CENPQ: variants seen among roughly 807,000 people sequenced by gnomAD.
CENPQ encodes chromosome 6 open reading frame 139.
In CENPQ, 27 loss-of-function variants were observed where a neutral mutation model predicts 36.6. The ratio of observed to expected loss-of-function variants is 0.74; its 90% CI spans 0.54 to 1.02. CENPQ has a LOEUF of 1.02. Among genes scored for constraint, CENPQ ranks in the 50% least tolerant of loss-of-function variants. The pLI is 0.00. For synonymous variants in CENPQ, 101 were observed against 101.7 expected, an observed-to-expected ratio of 0.99 and a Z score of 0.04; for missense variants, 306 against 301.8, an observed-to-expected ratio of 1.01 and a Z score of -0.10.
Position 49,488,671 on chromosome 6 carries a change from C to T in CENPQ, c.662C>T (p.Ala221Val), listed in dbSNP as rs749988875. Reference protein sequence around the residue: ...LPELSQKTLKAPTLQKEILAL... With the variant: ...LPELSQKTLKVPTLQKEILAL... Reference sequence around the variant, plus strand: ...GAACTTTCTCAGAAAACTCTCAAAGCACCCACACTTCAGGTAAGTGCCTAT... The same window carrying T: ...GAACTTTCTCAGAAAACTCTCAAAGTACCCACACTTCAGGTAAGTGCCTAT... Residue 221 changes from alanine to valine, a missense_variant, in exon 8 of 9, where the codon GCA becomes GTA. Transcript: ENST00000335783. 9.3e-6 allele frequency: 15 copies of T among 1,612,372 alleles called. No individual in the cohort carries two copies. Among genetic ancestry groups the T allele is most frequent in the Non-Finnish European group, 9.3e-6 (11 of 1,178,700 alleles).
At chr6:49,467,403 G>A (rs1267075533) in intron 1 of CENPQ, among the ~76,000 whole-genome samples, 1 of 152,196 alleles carries the variant, frequency 6.6e-6, no homozygotes, top group Non-Finnish European at 1.5e-5. Context: ...GTTAATACTA[G>A]AGGTTGCAGG....
intron 3 of CENPQ, 43 bp downstream of exon 3, chr6:49,471,071 A>G: frequency 8.6e-7 from 1 of 1,168,090 alleles, no homozygotes; most frequent in South Asian, 1.9e-5. Context: ...TTCTATATCA[A>G]GCTATATCTA....
intron 8 of CENPQ, among the ~76,000 whole-genome samples, chr6:49,489,222 G>A (rs1768663548): frequency 2.0e-5 from 3 of 152,168 alleles, no homozygotes; most frequent in African/African-American, 7.2e-5. Context: ...TGTCAGCTAA[G>A]TTTTTGTCAT....
intron 6 of CENPQ, 126 bp downstream of exon 6, chr6:49,481,206 T>A: frequency 1.2e-6 from 1 of 818,128 alleles, no homozygotes; most frequent in Non-Finnish European, 1.8e-6. Context: ...GTTTTTTCAT[T>A]AAATTGTTTT....
chr6:49,483,063 C>T (rs1768481480), intron 6 of CENPQ, among the ~76,000 whole-genome samples: 1 of 152,170 alleles, frequency 6.6e-6, no homozygotes, highest in Admixed American at 6.5e-5. Flanking sequence ...TGTCTGGCCC[C>T]ACCCACATCC....
At chr6:49,479,738 G>C (rs1358082843) in intron 5 of CENPQ, among the ~76,000 whole-genome samples, 1 of 152,136 alleles carries the variant, frequency 6.6e-6, no homozygotes, top group Non-Finnish European at 1.5e-5. Flanking sequence ...CCTATCAGTG[G>C]TAGATTAGAT....
chr6:49,474,326 C>A (rs979750132), intron 5 of CENPQ, among the ~76,000 whole-genome samples: 2 of 152,028 alleles, frequency 1.3e-5, no homozygotes, highest in African/African-American at 4.8e-5. Context: ...TCTCTCAGAC[C>A]ACAGTGCAAT....
At chr6:49,471,247 A>G (rs532002136) in intron 3 of CENPQ, among the ~76,000 whole-genome samples, 113 of 152,372 alleles carry the variant, frequency 7.4e-4, no homozygotes, top group Admixed American at 1.9e-3. Flanking sequence ...CTTCAATGCC[A>G]CTGAGTTGAT....
chr6:49,482,798 C>A (rs569857420), intron 6 of CENPQ, among the ~76,000 whole-genome samples: 23 of 152,176 alleles, frequency 1.5e-4, no homozygotes, highest in African/African-American at 5.5e-4. Context: ...CACAGACCCT[C>A]GTGGTGAGTG....
chr6:49,470,360 T>C, intron 2 of CENPQ, 82 bp downstream of exon 2: 4 of 802,738 alleles, frequency 5.0e-6, no homozygotes, highest in Non-Finnish European at 7.8e-6. Flanking sequence ...TCCCAGCACT[T>C]TGGGAGGCCG....
rs1768413703 is a variant in CENPQ at position 49,481,003 on chromosome 6, T to G, written c.400T>G (p.Leu134Val). The stretch of plus-strand genomic sequence containing the variant: ...AGTCCCTCCCAAAAAGATGGAAGAT[T>G]TAACTAATGTATCAAGTCTACTGAA... Reference protein sequence around the residue: ...LKVPPKKMEDLTNVSSLLNME... With the variant: ...LKVPPKKMEDVTNVSSLLNME... Residue 134 changes from leucine to valine, a missense_variant, in exon 6 of 9, where the codon TTA becomes GTA. Physicochemically the swap from Leu to Val is conservative, Grantham distance 32. Transcript: ENST00000335783. 2 of 1,609,914 alleles carry G rather than the reference T, an allele frequency of 1.2e-6. No individual in the cohort carries two copies. The highest frequency in any genetic ancestry group is 1.7e-6 in the Non-Finnish European group (2 of 1,177,430).
chr6:49,471,487 G>A (rs1209444201), intron 3 of CENPQ, among the ~76,000 whole-genome samples: 1 of 152,152 alleles, frequency 6.6e-6, no homozygotes, highest in Non-Finnish European at 1.5e-5. Context: ...GCCAACACTA[G>A]GTTAGGTCCT....
In CENPQ at chr6:49,470,224, A is replaced by G. The variant is rs1299298029; in HGVS notation, c.48A>G (p.Lys16=). 3 of 1,611,610 alleles carry G rather than the reference A, an allele frequency of 1.9e-6. No homozygotes were observed. Among genetic ancestry groups the G allele is most frequent in the East Asian group, 4.5e-5 (2 of 44,796 alleles). ...CCAAGAAAAACGCTCAACAGTTAAA[A>G]AGAAATCCAAAGAGAAAAAAGGATA... ...NASKKNAQQL[K]RNPKRKKDNE... Residue 16 remains lysine, a synonymous_variant, in exon 2 of 9, where the codon AAA becomes AAG. Coordinates refer to ENST00000335783, the MANE Select transcript of CENPQ (RefSeq NM_018132.4).
chr6:49,472,922 G>T (rs915874489), intron 5 of CENPQ, 64 bp downstream of exon 5: 17 of 1,126,148 alleles, frequency 1.5e-5, no homozygotes, highest in Non-Finnish European at 2.0e-5. Flanking sequence ...TTCTTTCTAT[G>T]TTGCCAAATA....
chr6:49,475,710 A>G (rs1305392718), intron 5 of CENPQ, among the ~76,000 whole-genome samples: 1 of 152,190 alleles, frequency 6.6e-6, no homozygotes, highest in Non-Finnish European at 1.5e-5. Context: ...TAAGCTGATA[A>G]GCAACTTCAG....
chr6:49,487,019 G>A (rs1338633909), intron 6 of CENPQ, among the ~76,000 whole-genome samples: 2 of 151,036 alleles, frequency 1.3e-5, no homozygotes, highest in Non-Finnish European at 2.9e-5. Context: ...TGGGCATAGT[G>A]GCAGGTGCCT....
At chr6:49,464,785 G>C (rs1179833106) in intron 1 of CENPQ, among the ~76,000 whole-genome samples, 1 of 152,114 alleles carries the variant, frequency 6.6e-6, no homozygotes, top group Non-Finnish European at 1.5e-5. Flanking sequence ...TATTTCTCTT[G>C]CTATTGCCAC....
At chr6:49,471,950 A>T in intron 3 of CENPQ, 113 bp from the exon 4 acceptor site, 1 of 1,189,722 alleles carries the variant, frequency 8.4e-7, no homozygotes, top group Non-Finnish European at 1.1e-6. Context: ...ACAGCTTTAT[A>T]ATATTTTGTT....
At chr6:49,478,027 T>C (rs1171385195) in intron 5 of CENPQ, among the ~76,000 whole-genome samples, 1 of 152,222 alleles carries the variant, frequency 6.6e-6, no homozygotes, top group Admixed American at 6.5e-5. Context: ...CTCTTTGTCA[T>C]GTAACAGCTA....
Sources: allele counts gnomAD v4.1 joint callset (sites outside exome capture counted in the v4.1 genomes callset), GRCh38; gene constraint gnomAD v4.1.1; transcripts MANE v1.5; gene names NCBI Gene and HGNC (gene_info 2026-07-23, HGNC 2026-07-21).